Variants in FUT9 observed in about 807,000 individuals in gnomAD.
FUT9 encodes the protein 4-galactosyl-N-acetylglucosaminide 3-alpha-L-fucosyltransferase 9.
Under a neutral mutation model 29.7 loss-of-function variants are expected in FUT9, and 15 were observed. The observed-to-expected ratio is 0.51, with a 90% CI of 0.34 to 0.78. FUT9 has a LOEUF of 0.78. Among genes scored for constraint, FUT9 ranks in the 30% least tolerant of loss-of-function variants. The pLI is 0.01. For missense variants in FUT9, 319 were observed against 425.4 expected, an observed-to-expected ratio of 0.75 and a Z score of 2.20; for synonymous variants, 169 against 153.7, an observed-to-expected ratio of 1.10 and a Z score of -0.74.
Position 96,213,728 on chromosome 6 carries a change from T to C in FUT9, c.*9493T>C, listed in dbSNP as rs1758873814. On this transcript the variant is annotated 3_prime_UTR_variant, in exon 3 of 3. Coordinates refer to ENST00000302103, the MANE Select transcript of FUT9 (RefSeq NM_006581.4). ...AAAATCACATGTTGATCAGAAATCA[T>C]TTTTCTACTTATTTTTTTGTAGAGT... is the stretch of plus-strand genomic sequence containing the variant. The C allele has an allele frequency of 1.2e-5, 2 of 166,900 alleles. No homozygotes were observed. The highest frequency in any genetic ancestry group is 1.5e-5 in the Non-Finnish European group (1 of 68,040). The allele number at this position is 166,900 out of a possible 1,614,324, so 10.3% of individuals were successfully genotyped here.
At chr6:96,087,791 AC>A (rs1426728386) in intron 1 of FUT9, among the ~76,000 whole-genome samples, 3 of 152,200 alleles carry the variant, frequency 2.0e-5, no homozygotes, top group Non-Finnish European at 4.4e-5. Context: ...TAGAGAAAAC[AC>A]TTTTTCTGCT....
At chr6:96,091,203 A>C (rs1308673167) in intron 1 of FUT9, among the ~76,000 whole-genome samples, 1 of 152,112 alleles carries the variant, frequency 6.6e-6, no homozygotes, top group Non-Finnish European at 1.5e-5. Context: ...GCAAATAAAA[A>C]ACCAAATAGT....
intron 2 of FUT9, among the ~76,000 whole-genome samples, chr6:96,188,462 G>T (rs944819263): frequency 2.6e-5 from 4 of 151,956 alleles, no homozygotes; most frequent in South Asian, 2.1e-4. Context: ...GCACTCAGTT[G>T]TCAACATTTA....
intron 2 of FUT9, among the ~76,000 whole-genome samples, chr6:96,195,501 G>C (rs557917647): frequency 6.6e-6 from 1 of 152,254 alleles, no homozygotes; most frequent in East Asian, 1.9e-4. Flanking sequence ...TTTTCCCAAA[G>C]GCAAGAGGCA....
chr6:96,202,014 T>C (rs1300208581), intron 2 of FUT9, among the ~76,000 whole-genome samples: 1 of 152,042 alleles, frequency 6.6e-6, no homozygotes, highest in African/African-American at 2.4e-5. Flanking sequence ...AATGTTTCTA[T>C]GCTAGTTTCT....
chr6:96,116,016 T>G (rs1442638821), intron 2 of FUT9, among the ~76,000 whole-genome samples: 2 of 152,086 alleles, frequency 1.3e-5, no homozygotes, highest in African/African-American at 4.8e-5. Flanking sequence ...CTTAAAAGAA[T>G]GAAAATATAG....
intron 2 of FUT9, among the ~76,000 whole-genome samples, chr6:96,164,599 A>C (rs1435620707): frequency 6.6e-6 from 1 of 152,192 alleles, no homozygotes; most frequent in East Asian, 1.9e-4. Flanking sequence ...GCTTCTTATC[A>C]GACCTGAAGA....
At chr6:96,113,341 C>T (rs1016797993) in intron 1 of FUT9, among the ~76,000 whole-genome samples, 2 of 151,746 alleles carry the variant, frequency 1.3e-5, no homozygotes, top group Non-Finnish European at 2.9e-5. Context: ...GAGGTTCAAG[C>T]GATTCTCCTG....
Position 96,208,285 on chromosome 6 carries a change from G to A in FUT9, c.*4050G>A, listed in dbSNP as rs563010324. ...TAATATCCTAGAATTTTTTTTTTGC[G>A]TGAATTAAAGTTACCACAAATTTCA... On this transcript the variant is annotated 3_prime_UTR_variant, in exon 3 of 3. Coordinates refer to ENST00000302103, the MANE Select transcript of FUT9 (RefSeq NM_006581.4). The A allele has an allele frequency of 1.2e-4, 20 of 161,138 alleles. No homozygotes were observed. The highest frequency in any genetic ancestry group is 4.5e-4 in the African/African-American group (18 of 40,156). 10.0% of individuals were successfully genotyped at this position (161,138 alleles called of 1,614,324 possible).
At chr6:96,098,532 T>C (rs1771538063) in intron 1 of FUT9, among the ~76,000 whole-genome samples, 1 of 152,176 alleles carries the variant, frequency 6.6e-6, no homozygotes, top group Non-Finnish European at 1.5e-5. Context: ...TTAAATTCCA[T>C]TGTCAGTTTC....
At chr6:96,111,424 T>C (rs1010574889) in intron 1 of FUT9, among the ~76,000 whole-genome samples, 2 of 151,836 alleles carry the variant, frequency 1.3e-5, no homozygotes, top group African/African-American at 2.4e-5. Context: ...ATAGAGATAA[T>C]AAAAACTAAG....
intron 2 of FUT9, among the ~76,000 whole-genome samples, chr6:96,114,344 G>A (rs138532981): frequency 3.0e-3 from 450 of 151,810 alleles, no homozygotes; most frequent in Middle Eastern, 8.5e-3. Flanking sequence ...TTCTGTCATG[G>A]TAGGTAGGAT....
At chr6:96,191,231 G>C (rs987759447) in intron 2 of FUT9, among the ~76,000 whole-genome samples, 2 of 152,048 alleles carry the variant, frequency 1.3e-5, no homozygotes, top group African/African-American at 2.4e-5. Flanking sequence ...ACTAAGATCA[G>C]AGCAGAACTG....
chr6:96,120,415 C>T (rs1278087121), intron 2 of FUT9, among the ~76,000 whole-genome samples: 8 of 150,472 alleles, frequency 5.3e-5, no homozygotes, highest in African/African-American at 1.9e-4. Context: ...GGACTACAGG[C>T]GTCCGCCACC....
At chr6:96,137,743 T>C (rs1772384936) in intron 2 of FUT9, among the ~76,000 whole-genome samples, 1 of 151,946 alleles carries the variant, frequency 6.6e-6, no homozygotes, top group Non-Finnish European at 1.5e-5. Context: ...AAATATTGGG[T>C]TTAGTGAATA....
At position 96,206,747 on chromosome 6, in the gene FUT9, C is replaced by A. The variant is rs1437932148; in HGVS notation, c.*2512C>A. The A allele has an allele frequency of 1.2e-5, 2 of 166,902 alleles. No homozygotes were observed. The highest frequency in any genetic ancestry group is 6.6e-5 in the Admixed American group (1 of 15,260). The allele number at this position is 166,902 out of a possible 1,614,324, so 10.3% of individuals were successfully genotyped here. On this transcript the variant is annotated 3_prime_UTR_variant, in exon 3 of 3. Coordinates refer to ENST00000302103, the MANE Select transcript of FUT9 (RefSeq NM_006581.4). ...AAAGTGCTGGGATTACAGGTATGAG[C>A]CACTGTGTCTGGCCCACCTGTTTTT...
chr6:96,044,890 T>G (rs1240525326), intron 1 of FUT9, among the ~76,000 whole-genome samples: 1 of 152,212 alleles, frequency 6.6e-6, no homozygotes. Flanking sequence ...CTGTTTATTT[T>G]AACATTAATT....
At chr6:96,025,815 TAAC>T (rs780218825) in intron 1 of FUT9, among the ~76,000 whole-genome samples, 32 of 151,660 alleles carry the variant, frequency 2.1e-4, no homozygotes, top group Non-Finnish European at 4.4e-4. Flanking sequence ...GCTCACAACT[TAAC>T]ATGAAAGTCT....
chr6:96,059,200 A>T (rs1480162750), intron 1 of FUT9, among the ~76,000 whole-genome samples: 1 of 152,212 alleles, frequency 6.6e-6, no homozygotes, highest in African/African-American at 2.4e-5. Context: ...ACACTAAAGA[A>T]GAGTGTATTT....
Sources: gnomAD v4.1 joint callset for allele counts (sites outside exome capture counted in the v4.1 genomes callset) on GRCh38, gnomAD v4.1.1 for gene constraint, MANE v1.5 for transcripts, NCBI Gene and HGNC (gene_info 2026-07-23, HGNC 2026-07-21) for gene names.